The following SPATA9 variants were observed in gnomAD, a reference collection of about 807,000 sequenced individuals.
SPATA9 encodes the protein spermatogenesis associated 9, also known as spermatogenesis-associated protein 9.
In SPATA9, 27 loss-of-function variants were observed where a neutral mutation model predicts 25.5. The ratio of observed to expected loss-of-function variants is 1.06; its 90% CI spans 0.78 to 1.46. SPATA9 has a LOEUF of 1.46. Among genes scored for constraint, SPATA9 ranks in the 40% most tolerant of loss-of-function variants. The pLI is 0.00. For synonymous variants in SPATA9, 102 were observed against 105.7 expected, an observed-to-expected ratio of 0.97 and a Z score of 0.21; for missense variants, 282 against 297.5, an observed-to-expected ratio of 0.95 and a Z score of 0.38.
At chr5:95,703,464 T>C (rs1041806470), upstream of SPATA9, among the ~76,000 whole-genome samples, 1 of 152,098 alleles carries the variant, frequency 6.6e-6, no homozygotes, top group East Asian at 1.9e-4. Context: ...TGAAACCTTG[T>C]CTACACTAAA....
intron 3 of SPATA9, among the ~76,000 whole-genome samples, chr5:95,671,908 A>G (rs1752415917): frequency 9.0e-6 from 1 of 111,646 alleles, no homozygotes. Flanking sequence ...AACTTAAAGT[A>G]TAATTAAAAA....
upstream of SPATA9, among the ~76,000 whole-genome samples, chr5:95,699,918 A>T (rs775330747): frequency 1.3e-5 from 2 of 152,252 alleles, no homozygotes; most frequent in African/African-American, 4.8e-5. Flanking sequence ...CCATGCAAAG[A>T]TCTAGCAAGA....
chr5:95,656,167 G>A, downstream of SPATA9: 2 of 1,614,048 alleles, frequency 1.2e-6, no homozygotes, highest in South Asian at 2.2e-5. Context: ...CCCAAGTGGT[G>A]CTCCAAAGGA....
the SPATA9 span, among the ~76,000 whole-genome samples, chr5:95,717,996 A>G: frequency 4.6e-5 from 7 of 152,366 alleles, no homozygotes; most frequent in African/African-American, 1.4e-4. Flanking sequence ...CTAAGAACTT[A>G]TAAAATATTT....
At chr5:95,731,225 G>T in the SPATA9 span, 94 of 1,002,226 alleles carry the variant, frequency 9.4e-5, no homozygotes, top group Non-Finnish European at 1.1e-4. Context: ...CCCCGCATCC[G>T]CCCGACCCCC....
At chr5:95,717,557 T>C in the SPATA9 span, 11 of 152,226 alleles carry the variant, frequency 7.2e-5, no homozygotes, top group Middle Eastern at 3.2e-3. Flanking sequence ...ATACAGTTGG[T>C]GACAAAGGAG....
At chr5:95,657,286 G>A (rs748022086), downstream of SPATA9, 6 of 151,886 alleles carry the variant, frequency 4.0e-5, no homozygotes, top group Non-Finnish European at 7.4e-5. Context: ...GTTATTTATG[G>A]TCAGTACCAT....
At chr5:95,718,748 G>A in the SPATA9 span, among the ~76,000 whole-genome samples, 1 of 152,202 alleles carries the variant, frequency 6.6e-6, no homozygotes, top group Admixed American at 6.5e-5. Context: ...AAAAGCAATA[G>A]AATGGGGCTA....
the SPATA9 span, among the ~76,000 whole-genome samples, chr5:95,705,584 G>T: frequency 6.6e-6 from 1 of 152,130 alleles, no homozygotes; most frequent in East Asian, 1.9e-4. Context: ...TAATGTGTAT[G>T]AAGTACACTC....
chr5:95,679,955 T>G (rs1407910487), intron 2 of SPATA9, among the ~76,000 whole-genome samples: 1 of 152,262 alleles, frequency 6.6e-6, no homozygotes, highest in Non-Finnish European at 1.5e-5. Flanking sequence ...TGGCGTGCAG[T>G]GGCGCGATCT....
chr5:95,691,497 G>A (rs1244025914), intron 1 of SPATA9, among the ~76,000 whole-genome samples: 3 of 151,996 alleles, frequency 2.0e-5, no homozygotes, highest in African/African-American at 2.4e-5. Context: ...TTTGACTACC[G>A]TGGCTTAATA....
At chr5:95,719,944 T>G in the SPATA9 span, among the ~76,000 whole-genome samples, 2 of 152,178 alleles carry the variant, frequency 1.3e-5, no homozygotes, top group African/African-American at 4.8e-5. Context: ...GTACTCCAGG[T>G]GCTTAAAAAA....
chr5:95,715,644 T>C, the SPATA9 span, among the ~76,000 whole-genome samples: 160 of 152,198 alleles, frequency 1.1e-3, no homozygotes, highest in Non-Finnish European at 1.7e-3. Flanking sequence ...CTACTAAAAA[T>C]AATATAGAAA....
chr5:95,682,692 T>C, intron 1 of SPATA9, 76 bp from the exon 2 acceptor site: 2 of 1,515,442 alleles, frequency 1.3e-6, no homozygotes, highest in Non-Finnish European at 1.8e-6. Context: ...ATGAAACACT[T>C]GATCAAATTC....
Position 95,658,738 on chromosome 5 carries a change from G to A in SPATA9, c.650C>T (p.Pro217Leu), listed in dbSNP as rs749202530. The part of the protein sequence containing the change: ...EIKAKPYRSL[P>L]EKPDISDYPK... Reference sequence around the variant, plus strand: ...GTAATCTGAAATGTCTGGCTTCTCCGGCAATGACCTATAAGGTTTTGCTTT... The same window carrying A: ...GTAATCTGAAATGTCTGGCTTCTCCAGCAATGACCTATAAGGTTTTGCTTT... Residue 217 changes from proline (P) to leucine (L), a missense_variant, in exon 5 of 5, where the codon CCG becomes CTG. By Grantham distance (98) the Pro-to-Leu change is moderately conservative. Transcript: ENST00000274432. 2.2e-5 allele frequency: 36 copies of A among 1,613,598 alleles called. No homozygotes were observed. Among genetic ancestry groups the A allele is most frequent in the South Asian group, 3.3e-5 (3 of 91,072 alleles).
the SPATA9 span, among the ~76,000 whole-genome samples, chr5:95,709,569 G>A: frequency 1.7e-4 from 26 of 152,194 alleles, no homozygotes; most frequent in Non-Finnish European, 3.5e-4. Flanking sequence ...ACCGAGCTAT[G>A]GACGAGGTGA....
the SPATA9 span, among the ~76,000 whole-genome samples, chr5:95,708,041 G>C: frequency 0.23 from 34,638 of 149,998 alleles, 4,191 homozygotes; most frequent in East Asian, 0.5. Flanking sequence ...AAAAATTAAA[G>C]TTAATAGTAT....
At chr5:95,679,280 C>T (rs1459701076) in intron 2 of SPATA9, among the ~76,000 whole-genome samples, 2 of 152,218 alleles carry the variant, frequency 1.3e-5, no homozygotes, top group African/African-American at 4.8e-5. Flanking sequence ...TAAACAATTA[C>T]TACTGTGCTG....
At chr5:95,731,701 G>A in the SPATA9 span, 1 of 1,613,104 alleles carries the variant, frequency 6.2e-7, no homozygotes, top group Non-Finnish European at 8.5e-7. Flanking sequence ...ACGCGCCGCC[G>A]TCCTGCCATT....
Sources: gnomAD v4.1 joint callset for allele counts (sites outside exome capture counted in the v4.1 genomes callset) on GRCh38, gnomAD v4.1.1 for gene constraint, MANE v1.5 for transcripts, NCBI Gene and HGNC (gene_info 2026-07-23, HGNC 2026-07-21) for gene names.